Variants in SYNCRIP observed in about 807,000 individuals in gnomAD.
The protein encoded by SYNCRIP is heterogeneous nuclear ribonucleoprotein Q.
Under a neutral mutation model 68.9 loss-of-function variants are expected in SYNCRIP, and 9 were observed. The observed-to-expected ratio is 0.13, with a 90% CI of 0.08 to 0.23. SYNCRIP has a LOEUF of 0.23. SYNCRIP is among the 10% of genes least tolerant of loss of function. The pLI is 1.00. For synonymous variants in SYNCRIP, 258 were observed against 254.0 expected (o/e 1.02, Z -0.15); for missense variants, 414 against 770.6 (o/e 0.54, Z 5.48).
chr6:85,642,002 C>G (rs1316553364), intron 1 of SYNCRIP, among the ~76,000 whole-genome samples: 1 of 152,178 alleles, frequency 6.6e-6, no homozygotes, highest in African/African-American at 2.4e-5. Context: ...CTGCGGCCGC[C>G]AGGAGCCCAT....
chr6:85,629,819 T>C (rs186535414), intron 6 of SYNCRIP, among the ~76,000 whole-genome samples: 367 of 149,814 alleles, frequency 2.4e-3, no homozygotes, highest in Non-Finnish European at 3.9e-3. Flanking sequence ...GAGATTCATA[T>C]CAAAACAAAA....
At chr6:85,616,107 T>C (rs1191383242) in intron 10 of SYNCRIP, among the ~76,000 whole-genome samples, 2 of 152,214 alleles carry the variant, frequency 1.3e-5, no homozygotes, top group East Asian at 3.8e-4. Flanking sequence ...TCAAAGTGAT[T>C]AGAAAGCAAC....
intron 6 of SYNCRIP, among the ~76,000 whole-genome samples, chr6:85,629,587 G>A (rs9353323): frequency 0.11 from 16,439 of 150,432 alleles, 1,322 homozygotes; most frequent in African/African-American, 0.23. Context: ...ATTTTGGGAG[G>A]CCGATGTGGG....
intron 8 of SYNCRIP, among the ~76,000 whole-genome samples, chr6:85,620,855 G>A (rs1806301133): frequency 6.6e-6 from 1 of 152,126 alleles, no homozygotes; most frequent in East Asian, 1.9e-4. Context: ...TTACCAATTA[G>A]TAATTATTTT....
intron 6 of SYNCRIP, among the ~76,000 whole-genome samples, chr6:85,625,210 A>C (rs187373807): frequency 5.7e-4 from 87 of 152,042 alleles, no homozygotes; most frequent in African/African-American, 2.0e-3. Flanking sequence ...TTTCTACCCC[A>C]CTATTCTGTA....
At position 85,614,144 on chromosome 6, in the gene SYNCRIP, C is replaced by T. The variant is rs1316941069; in HGVS notation, c.*612G>A. 2.7e-5 allele frequency: 27 copies of T among 985,698 alleles called. No homozygotes were observed. The highest frequency in any genetic ancestry group is 3.0e-5 in the Non-Finnish European group (25 of 829,934). The allele number at this position is 985,698 out of a possible 1,614,324, so 61.1% of individuals were successfully genotyped here. ...AAACCCTTTAATTGGCCTTGACATG[C>T]TATACAATTTGAACCAAATTTGCAG... On this transcript the variant is annotated 3_prime_UTR_variant, in exon 11 of 11. Transcript: ENST00000369622.
intron 10 of SYNCRIP, among the ~76,000 whole-genome samples, chr6:85,617,751 G>A (rs112901212): frequency 0.014 from 2,203 of 152,304 alleles, 50 homozygotes; most frequent in African/African-American, 0.051. Flanking sequence ...ATATGTAGAA[G>A]CATCCTCTTC....
At chr6:85,637,531 C>T (rs1416037887) in intron 4 of SYNCRIP, among the ~76,000 whole-genome samples, 175 bp from the exon 5 acceptor site, 1 of 152,178 alleles carries the variant, frequency 6.6e-6, no homozygotes, top group African/African-American at 2.4e-5. Context: ...TTGTTATACT[C>T]CTAAATTATT....
At chr6:85,622,417 C>CA (rs1393547799) in intron 8 of SYNCRIP, 65 bp downstream of exon 8, 1 of 1,403,378 alleles carries the variant, frequency 7.1e-7, no homozygotes, top group Non-Finnish European at 1.0e-6. Context: ...ATGTTCCCCC[C>CA]ACCCCAACCC....
chr6:85,628,951 T>C (rs1364912393), intron 6 of SYNCRIP, among the ~76,000 whole-genome samples: 2 of 152,140 alleles, frequency 1.3e-5, no homozygotes, highest in East Asian at 1.9e-4. Context: ...GGCCTTTCAT[T>C]TCTCTTTCCA....
chr6:85,626,630 A>C (rs1180203471), intron 6 of SYNCRIP, among the ~76,000 whole-genome samples: 2 of 152,234 alleles, frequency 1.3e-5, no homozygotes, highest in East Asian at 3.8e-4. Flanking sequence ...TAGGAGGCAA[A>C]GGCAAGACAA....
chr6:85,612,997 A>T (rs1394257346), downstream of SYNCRIP: 2 of 1,498,814 alleles, frequency 1.3e-6, no homozygotes. Flanking sequence ...TAATGATAAC[A>T]TTAAAAAGAC....
chr6:85,628,875 T>C (rs777704735), intron 6 of SYNCRIP, among the ~76,000 whole-genome samples: 9 of 152,232 alleles, frequency 5.9e-5, no homozygotes, highest in Non-Finnish European at 1.2e-4. Flanking sequence ...AAACGTATCA[T>C]GAACAGTCCA....
chr6:85,608,583 G>T (rs990077425), exon 12 of SYNCRIP: 1 of 151,968 alleles, frequency 6.6e-6, no homozygotes, highest in African/African-American at 2.4e-5. Context: ...TGAAAGGAAT[G>T]AAATAAATAT....
downstream of SYNCRIP, chr6:85,609,162 T>TG (rs1805052571): frequency 1.3e-5 from 2 of 151,954 alleles, no homozygotes; most frequent in Admixed American, 1.3e-4. Context: ...AAAATGATCA[T>TG]GGTGGGTATT....
intron 6 of SYNCRIP, among the ~76,000 whole-genome samples, chr6:85,635,764 T>G (rs1337233657): frequency 1.6e-5 from 2 of 125,186 alleles, no homozygotes; most frequent in Admixed American, 1.6e-4. Flanking sequence ...CAGAGTGAGA[T>G]TCTATCTCCC....
chr6:85,611,602 A>C (rs1474450291), downstream of SYNCRIP: 1 of 152,452 alleles, frequency 6.6e-6, no homozygotes, highest in Non-Finnish European at 1.5e-5. Flanking sequence ...TCAACTTAGG[A>C]CTTGGCAAAA....
At chr6:85,635,428 A>G (rs1388540086) in intron 6 of SYNCRIP, among the ~76,000 whole-genome samples, 2 of 152,166 alleles carry the variant, frequency 1.3e-5, no homozygotes, top group Non-Finnish European at 2.9e-5. Flanking sequence ...TTTAACTTCC[A>G]TCATACTCAA....
At position 85,614,805 on chromosome 6, in the gene SYNCRIP, G is replaced by C. The variant is rs750345852; in HGVS notation, c.1823C>G (p.Ser608Cys). ...ATCCTGATAAAACTCCTGGTTTTCA[G>C]ATTTGTAACCATAGTTACCAGAATG... ...GDHSGNYGYK[S>C]ENQEFYQDTF... is the part of the protein sequence containing the mutation. The change falls in exon 11 of 11, where the codon TCT becomes TGT. Residue 608 changes from serine (S) to cysteine (C), a missense_variant. Ser to Cys is a moderately radical substitution (Grantham distance 112, BLOSUM62 -1). Around this residue, in one of 6 missense-constraint regions of SYNCRIP, gnomAD observed 130 missense variants for 149.0 expected, o/e 0.87. Transcript: ENST00000369622. 6.2e-7 allele frequency: 1 copy of C among 1,612,258 alleles called. No homozygotes were observed. Among genetic ancestry groups the C allele is most frequent in the Non-Finnish European group, 8.5e-7 (1 of 1,179,516 alleles).
Sources: allele counts gnomAD v4.1 joint callset (sites outside exome capture counted in the v4.1 genomes callset), GRCh38; gene constraint gnomAD v4.1.1; regional missense constraint gnomAD v4.1.1; transcripts MANE v1.5; gene names NCBI Gene and HGNC (gene_info 2026-07-23, HGNC 2026-07-21).